Variants in CTNND1 observed in about 807,000 individuals in gnomAD.
CTNND1 encodes the protein catenin delta 1.
In CTNND1, 16 loss-of-function variants were observed where a neutral mutation model predicts 112.1. The observed-to-expected ratio is 0.14, with a 90% CI of 0.10 to 0.22. The LOEUF (loss-of-function observed/expected upper bound fraction) is 0.22, where lower values mean the gene tolerates loss of function less well. CTNND1 is among the 10% of genes least tolerant of loss of function. CTNND1 has a pLI of 1.00. For synonymous variants in CTNND1, 420 were observed against 446.5 expected (o/e 0.94, Z 0.75); for missense variants, 1,008 against 1,257.0 (o/e 0.80, Z 3.00).
intron 6 of CTNND1, among the ~76,000 whole-genome samples, chr11:57,800,268 CTT>C (rs200092523): frequency 7.0e-6 from 1 of 142,256 alleles, no homozygotes. Flanking sequence ...TAATCTTGAC[CTT>C]TTTTTTTTTT....
intron 17 of CTNND1, among the ~76,000 whole-genome samples, chr11:57,811,987 A>G (rs758039421): frequency 6.6e-6 from 1 of 152,194 alleles, no homozygotes; most frequent in Non-Finnish European, 1.5e-5. Flanking sequence ...TAAAGTGTAT[A>G]TTGTGACCAT....
At chr11:57,797,756 CAT>C (rs2136964599) in intron 6 of CTNND1, among the ~76,000 whole-genome samples, 1 of 137,908 alleles carries the variant, frequency 7.3e-6, no homozygotes, top group African/African-American at 2.7e-5. Flanking sequence ...GCAGGAGAAT[CAT>C]ATGAACCCGG....
intron 16 of CTNND1, 102 bp downstream of exon 16, chr11:57,810,325 C>G: frequency 1.2e-6 from 1 of 864,056 alleles, no homozygotes; most frequent in Non-Finnish European, 1.7e-6. Context: ...TCATGCTAAA[C>G]CTATTTTTTT....
At position 57,806,323 on chromosome 11, in the gene CTNND1, C is replaced by T; in HGVS notation, c.1877-138C>T. On this transcript the variant is annotated intron_variant, in intron 10 of 20. Transcript: ENST00000399050. ...TCTGGGACCTTCTTCCCCATACGTC[C>T]TTTGCATTTTCTGTGTTTTTCTTTT... 5 of 903,882 alleles carry T rather than the reference C, an allele frequency of 5.5e-6. No homozygotes were observed. In the South Asian group the frequency reaches 8.1e-5, roughly 15 times the overall value. 56.0% of individuals were successfully genotyped at this position (903,882 alleles called of 1,614,324 possible).
intron 6 of CTNND1, 118 bp from the exon 7 acceptor site, chr11:57,801,615 A>T: frequency 2.6e-6 from 2 of 759,420 alleles, no homozygotes; most frequent in Non-Finnish European, 4.3e-6. Context: ...AAGGAGAGAT[A>T]AGATGAGCAC....
At chr11:57,805,229 C>T (rs2062510763) in intron 9 of CTNND1, among the ~76,000 whole-genome samples, 1 of 151,704 alleles carries the variant, frequency 6.6e-6, no homozygotes. Flanking sequence ...GGGTATTCAA[C>T]TTAAAACATG....
rs896859583 is a variant in CTNND1, at chr11:57,806,823, G to A, written c.1895-92G>A. 2.7e-6 allele frequency: 3 copies of A among 1,114,362 alleles called. No individual in the cohort carries two copies. In the African/African-American group the frequency reaches 4.7e-5, roughly 18 times the overall value. The allele number at this position is 1,114,362 out of a possible 1,614,324, so 69.0% of individuals were successfully genotyped here. ...CCTCGTGGTGCATCTGTGATCAAAAGGTTCTGACTGAAGGATGAAAAATGT... is the reference window on the plus strand; with the variant it reads ...CCTCGTGGTGCATCTGTGATCAAAAAGTTCTGACTGAAGGATGAAAAATGT... On this transcript the variant is annotated intron_variant, in intron 11 of 20. Coordinates refer to ENST00000399050, the MANE Select transcript of CTNND1 (RefSeq NM_001085458.2).
chr11:57,787,213 A>G (rs983080876), intron 1 of CTNND1, among the ~76,000 whole-genome samples: 2 of 152,212 alleles, frequency 1.3e-5, no homozygotes, highest in Non-Finnish European at 2.9e-5. Context: ...TTATTATGAC[A>G]GATGTGTAAT....
intron 1 of CTNND1, among the ~76,000 whole-genome samples, chr11:57,787,823 G>A (rs113025003): frequency 1.8e-4 from 28 of 152,194 alleles, no homozygotes; most frequent in Admixed American, 1.8e-3. Context: ...GAGCCAGGTG[G>A]TCAGCTTTAA....
chr11:57,808,862 G>A (rs2063013737), intron 14 of CTNND1, among the ~76,000 whole-genome samples: 1 of 152,104 alleles, frequency 6.6e-6, no homozygotes, highest in Admixed American at 6.5e-5. Flanking sequence ...AATAGGATAA[G>A]GAAATAACTC....
Position 57,804,792 on chromosome 11 carries a change from CTT to C in CTNND1, c.1722+13_1722+14del. 6.3e-7 allele frequency: 1 copy of C among 1,588,484 alleles called. No individual in the cohort carries two copies. Among genetic ancestry groups the C allele is most frequent in the African/African-American group, 1.3e-5 (1 of 74,548 alleles). ...ATTCAGACAGCAAGGTAAGTGCTGT[CTT>C]ACCTTTAATGGCTGAGTGAATTTCA... On this transcript the variant is annotated intron_variant, in intron 9 of 20. Transcript: ENST00000399050.
At chr11:57,801,413 A>C (rs1011719076) in intron 6 of CTNND1, among the ~76,000 whole-genome samples, 4 of 152,332 alleles carry the variant, frequency 2.6e-5, no homozygotes, top group Non-Finnish European at 5.9e-5. Context: ...GATATCATTC[A>C]AATAAATGAT....
intron 1 of CTNND1, among the ~76,000 whole-genome samples, chr11:57,775,331 C>CG (rs1555040499): frequency 3.1e-5 from 3 of 95,574 alleles, no homozygotes; most frequent in African/African-American, 7.0e-5. Flanking sequence ...GACCCCGTCT[C>CG]GAAAAAAAAA....
rs1161141310 is a variant in CTNND1 at position 57,788,040 on chromosome 11, G to A, written c.-213-997G>A. ...AGTAATTTGGGCTTTTATTAGCAAAGAAGATTATAGGGTGGATGCTGCTGG... is the reference window on the plus strand; with the variant it reads ...AGTAATTTGGGCTTTTATTAGCAAAAAAGATTATAGGGTGGATGCTGCTGG... On this transcript the variant is annotated intron_variant, in intron 1 of 20. Transcript: ENST00000399050. This position sits in a 1 kb window ranked among gnomAD's most constrained non-coding sequence, Gnocchi z 4.1. 6.6e-6 allele frequency among the ~76,000 whole-genome samples: 1 copy of A among 152,204 alleles called. No homozygotes were observed. The highest frequency in any genetic ancestry group is 1.5e-5 in the Non-Finnish European group (1 of 68,042).
Position 57,806,905 on chromosome 11 carries a change from AT to A in CTNND1, c.1895-5del. The A allele has an allele frequency of 6.3e-7, 1 of 1,587,134 alleles. No homozygotes were observed. The highest frequency in any genetic ancestry group is 2.3e-5 in the East Asian group (1 of 44,074). On this transcript the variant is annotated splice_polypyrimidine_tract_variant and intron_variant, in intron 11 of 20. Coordinates refer to ENST00000399050, the MANE Select transcript of CTNND1 (RefSeq NM_001085458.2). ...CTTACCCCTTTTCCCGCCCTTTTTC[AT>A]TTTTGTAGGGAAAAAACCTATAGAG...
rs1490812536 is a variant in CTNND1, at chr11:57,819,069, ATT to A, written c.*2765_*2766del. On this transcript the variant is annotated 3_prime_UTR_variant, in exon 21 of 21. Coordinates refer to ENST00000399050, the MANE Select transcript of CTNND1 (RefSeq NM_001085458.2). The stretch of plus-strand genomic sequence containing the variant: ...GGTTAAGATCTATGGGAAGATACTT[ATT>A]TTTCTGAGGTCCTTATGTCCTGTCA... 1 of 152,144 alleles carries A rather than the reference ATT, an allele frequency of 6.6e-6. No homozygotes were observed. The highest frequency in any genetic ancestry group is 6.5e-5 in the Admixed American group (1 of 15,274). 9.4% of individuals were successfully genotyped at this position (152,144 alleles called of 1,614,324 possible).
At chr11:57,810,761 C>T (rs542862087) in intron 16 of CTNND1, among the ~76,000 whole-genome samples, 5 of 151,970 alleles carry the variant, frequency 3.3e-5, no homozygotes, top group South Asian at 2.1e-4. Flanking sequence ...GTGAGACCAG[C>T]CTGGGAAACA....
At chr11:57,807,641 C>G (rs920858711) in intron 12 of CTNND1, among the ~76,000 whole-genome samples, 2 of 134,554 alleles carry the variant, frequency 1.5e-5, no homozygotes, top group South Asian at 2.5e-4. Context: ...AGAAAAGATA[C>G]TTTTTGTACT....
At position 57,795,016 on chromosome 11, in the gene CTNND1, T is replaced by C. The variant is rs1022968315; in HGVS notation, c.268-561T>C. On this transcript the variant is annotated intron_variant, in intron 4 of 20. Coordinates refer to ENST00000399050, the MANE Select transcript of CTNND1 (RefSeq NM_001085458.2). Reference sequence around the variant, plus strand: ...GAGTTCAAGACCAGCCTGGGCAACATAGACCCTGTCTCTACAAAAAAAATA... The same window carrying C: ...GAGTTCAAGACCAGCCTGGGCAACACAGACCCTGTCTCTACAAAAAAAATA... Among the ~76,000 whole-genome samples the C allele has an allele frequency of 6.6e-5, 10 of 151,770 alleles. No individual in the cohort carries two copies. In the East Asian group the frequency reaches 1.9e-3, roughly 29 times the overall value.
Sources: gnomAD v4.1 joint callset for allele counts (sites outside exome capture counted in the v4.1 genomes callset) on GRCh38, gnomAD v4.1.1 for gene constraint, Gnocchi (gnomAD v3.1) non-coding constraint, MANE v1.5 for transcripts, NCBI Gene and HGNC (gene_info 2026-07-23, HGNC 2026-07-21) for gene names.